Variants in NEK7 observed in about 807,000 individuals in gnomAD.
NEK7 encodes the protein serine/threonine-protein kinase Nek7.
A neutral mutation model predicts 44.6 loss-of-function variants in NEK7; 18 were observed. The ratio of observed to expected loss-of-function variants is 0.40; its 90% CI spans 0.28 to 0.60. The LOEUF (loss-of-function observed/expected upper bound fraction) is 0.60. Among genes scored for constraint, NEK7 ranks in the 20% least tolerant of loss-of-function variants. The pLI is 0.38. For missense variants in NEK7, 256 were observed against 366.5 expected (o/e 0.70, Z 2.46); for synonymous variants, 130 against 121.1 (o/e 1.07, Z -0.48).
At position 198,217,840 on chromosome 1, in the gene NEK7, T is replaced by TAA. The variant is rs35485996; in HGVS notation, c.-28-14698_-28-14697dup. ...ACACAATCCGTTTTTACAATAGCTATAAAAAAAAAAAAAAAAGCCCCAAGC... is the reference window on the plus strand; with the variant it reads ...ACACAATCCGTTTTTACAATAGCTATAAAAAAAAAAAAAAAAAAGCCCCAAGC... On this transcript the variant is annotated intron_variant, in intron 1 of 9. Coordinates refer to ENST00000367385, the MANE Select transcript of NEK7 (RefSeq NM_133494.3). Among the ~76,000 whole-genome samples the TAA allele has an allele frequency of 8.0e-3, 860 of 107,232 alleles. 6 individuals are homozygous for TAA. Among genetic ancestry groups the TAA allele is most frequent in the Middle Eastern group, 0.041 (8 of 194 alleles). 70.3% of individuals were successfully genotyped at this position (107,232 alleles called of 152,430 possible).
chr1:198,188,653 T>G (rs1664985415), intron 1 of NEK7, among the ~76,000 whole-genome samples: 1 of 152,152 alleles, frequency 6.6e-6, no homozygotes. Flanking sequence ...GAGGCTGTGC[T>G]GCAAACACTT....
intron 2 of NEK7, among the ~76,000 whole-genome samples, chr1:198,252,530 A>ATC (rs1240852067): frequency 1.2e-4 from 6 of 48,718 alleles, no homozygotes; most frequent in Admixed American, 1.1e-3. Context: ...CTCACATACT[A>ATC]TATATATATA....
At chr1:198,303,635 A>T (rs547511254) in intron 9 of NEK7, among the ~76,000 whole-genome samples, 1 of 152,108 alleles carries the variant, frequency 6.6e-6, no homozygotes, top group African/African-American at 2.4e-5. Context: ...TAATAGATCT[A>T]TATAAGTTTT....
chr1:198,270,736 T>G (rs1037406770), intron 5 of NEK7, among the ~76,000 whole-genome samples: 1 of 152,138 alleles, frequency 6.6e-6, no homozygotes, highest in African/African-American at 2.4e-5. Flanking sequence ...ATACTGATTT[T>G]TCATGTGTTT....
chr1:198,164,273 A>G lies in NEK7; in HGVS notation c.-29+6997A>G, dbSNP rs559701549. Among the ~76,000 whole-genome samples, 5 of 152,318 alleles carry G rather than the reference A, an allele frequency of 3.3e-5. No individual in the cohort carries two copies. The East Asian group carries it at 9.6e-4, about 29-fold the overall frequency. The stretch of plus-strand genomic sequence containing the variant: ...AGAATGTCCCAGTACCAGGCCCCCA[A>G]GGGAGTTTCTGCCTCTTCTGTGATC... On this transcript the variant is annotated intron_variant, in intron 1 of 9. Transcript: ENST00000367385.
chr1:198,165,682 G>A (rs973261307), intron 1 of NEK7, among the ~76,000 whole-genome samples: 1 of 152,146 alleles, frequency 6.6e-6, no homozygotes, highest in African/African-American at 2.4e-5. Flanking sequence ...TAATTCTTAA[G>A]GGCCCTAGGA....
At chr1:198,284,063 G>A (rs531359428) in intron 7 of NEK7, among the ~76,000 whole-genome samples, 1 of 152,074 alleles carries the variant, frequency 6.6e-6, no homozygotes, top group East Asian at 1.9e-4. Flanking sequence ...TTCTGGAGGG[G>A]TATAATAACA....
chr1:198,175,402 G>T (rs552177001), intron 1 of NEK7, among the ~76,000 whole-genome samples: 4 of 152,248 alleles, frequency 2.6e-5, no homozygotes, highest in Non-Finnish European at 5.9e-5. Context: ...TCATACTAAT[G>T]AAAGTATTTC....
chr1:198,203,978 C>A (rs1379671260), intron 1 of NEK7, among the ~76,000 whole-genome samples: 2 of 152,178 alleles, frequency 1.3e-5, no homozygotes, highest in African/African-American at 4.8e-5. Flanking sequence ...ATGAGAGCGG[C>A]CAGTTGCAGG....
intron 1 of NEK7, among the ~76,000 whole-genome samples, chr1:198,183,465 T>G (rs986239951): frequency 1.1e-4 from 17 of 152,166 alleles, no homozygotes; most frequent in African/African-American, 3.9e-4. Context: ...AAAGATACAA[T>G]GAAGGAGGTA....
chr1:198,313,951 T>G (rs142003162), intron 9 of NEK7, among the ~76,000 whole-genome samples: 1 of 150,296 alleles, frequency 6.7e-6, no homozygotes, highest in Admixed American at 6.7e-5. Context: ...GTGGCATTCT[T>G]TGTATTTCCT....
chr1:198,236,677 A>G (rs1047404956), intron 2 of NEK7, among the ~76,000 whole-genome samples: 1 of 152,056 alleles, frequency 6.6e-6, no homozygotes, highest in Non-Finnish European at 1.5e-5. Flanking sequence ...CAGAATCTGT[A>G]TTCACTTCAT....
chr1:198,237,870 C>T (rs565473976), intron 2 of NEK7, among the ~76,000 whole-genome samples: 1 of 152,142 alleles, frequency 6.6e-6, no homozygotes, highest in African/African-American at 2.4e-5. Context: ...AGTATGTCAA[C>T]CCTGCAATAT....
At chr1:198,231,337 A>ATATATATATATATATATAT (rs57756207) in intron 1 of NEK7, among the ~76,000 whole-genome samples, 2 of 138,336 alleles carry the variant, frequency 1.4e-5, no homozygotes, top group African/African-American at 2.9e-5. Context: ...ATATATATAT[A>ATATATATATATATATATAT]AAAACACATG....
chr1:198,210,483 C>T lies in NEK7; in HGVS notation c.-28-22070C>T, dbSNP rs555302991. On this transcript the variant is annotated intron_variant, in intron 1 of 9. Transcript: ENST00000367385. ...ATATTGTTAGACTTATACTTTGTTT[C>T]CAATTTTTAAAAATGATAAATGCTT... Among the ~76,000 whole-genome samples the T allele has an allele frequency of 2.6e-5, 4 of 152,090 alleles. No homozygotes were observed. In the East Asian group the frequency reaches 7.7e-4, roughly 29 times the overall value.
intron 1 of NEK7, chr1:198,197,658 G>T: frequency 2.7e-6 from 1 of 368,004 alleles, no homozygotes; most frequent in South Asian, 2.6e-5. Flanking sequence ...GCAGGGTTAG[G>T]CTCAGGTGGG....
At chr1:198,163,513 T>TA (rs1321074207) in intron 1 of NEK7, among the ~76,000 whole-genome samples, 2 of 150,926 alleles carry the variant, frequency 1.3e-5, no homozygotes, top group African/African-American at 2.4e-5. Flanking sequence ...ACCCTGTCTC[T>TA]AAAAAAAATA....
intron 5 of NEK7, among the ~76,000 whole-genome samples, chr1:198,265,347 G>A (rs57691884): frequency 0.15 from 23,298 of 152,014 alleles, 2,621 homozygotes; most frequent in African/African-American, 0.31. Context: ...AAGAATAACC[G>A]AATGAGAAAA....
chr1:198,205,855 A>T (rs954210360), intron 1 of NEK7, among the ~76,000 whole-genome samples: 1 of 152,120 alleles, frequency 6.6e-6, no homozygotes, highest in African/African-American at 2.4e-5. Context: ...AAGTCAGTTT[A>T]AAAAAATTTT....
Sources: allele counts gnomAD v4.1 joint callset (sites outside exome capture counted in the v4.1 genomes callset), GRCh38; gene constraint gnomAD v4.1.1; transcripts MANE v1.5; gene names NCBI Gene and HGNC (gene_info 2026-07-23, HGNC 2026-07-21).